LRMDA: variants seen among roughly 807,000 people sequenced by gnomAD.
LRMDA encodes leucine-rich melanocyte differentiation-associated protein.
A neutral mutation model predicts 29.8 loss-of-function variants in LRMDA; 18 were observed. The ratio of observed to expected loss-of-function variants is 0.60; its 90% confidence interval spans 0.42 to 0.90. LRMDA has a LOEUF of 0.90. LRMDA is among the 40% of genes least tolerant of loss of function. The probability of loss-of-function intolerance (pLI) is 0.00; values close to 1 mark genes in which losing one functional copy is unlikely to be tolerated. For missense variants in LRMDA, 273 were observed against 273.9 expected, an observed-to-expected ratio of 1.00 and a Z score of 0.02; for synonymous variants, 125 against 109.4, an observed-to-expected ratio of 1.14 and a Z score of -0.89.
At chr10:76,226,465 C>A in intron 5 of LRMDA, among the ~76,000 whole-genome samples, 1 of 152,108 alleles carries the variant, frequency 6.6e-6, no homozygotes, top group East Asian at 1.9e-4. Flanking sequence ...TGCCTGCAAT[C>A]CCAGCTACTT....
chr10:76,194,378 G>A (rs1286467844), intron 5 of LRMDA, among the ~76,000 whole-genome samples: 1 of 152,080 alleles, frequency 6.6e-6, no homozygotes, highest in Middle Eastern at 3.2e-3. Context: ...TTTTGTCATG[G>A]GGCAGTCAGG....
At chr10:75,453,472 A>C (rs1844481997) in intron 2 of LRMDA, among the ~76,000 whole-genome samples, 1 of 152,238 alleles carries the variant, frequency 6.6e-6, no homozygotes, top group Non-Finnish European at 1.5e-5. Context: ...AAATGAAAGC[A>C]TGGGATCATT....
chr10:75,449,970 C>T (rs1844441262), intron 2 of LRMDA: 1 of 152,114 alleles, frequency 6.6e-6, no homozygotes, highest in African/African-American at 2.4e-5. Flanking sequence ...TGCACACACC[C>T]ACCGTCTGAA....
chr10:75,717,980 A>T (rs1421551719), intron 2 of LRMDA, among the ~76,000 whole-genome samples: 2 of 152,200 alleles, frequency 1.3e-5, no homozygotes, highest in Non-Finnish European at 2.9e-5. Context: ...GTCCCCAGCT[A>T]GTGAGGAAGG....
At chr10:75,942,179 G>A (rs1356449313) in intron 2 of LRMDA, among the ~76,000 whole-genome samples, 1 of 152,050 alleles carries the variant, frequency 6.6e-6, no homozygotes, top group Non-Finnish European at 1.5e-5. Context: ...CAAGAAGAGA[G>A]CCCATAAACT....
At chr10:76,547,838 C>T (rs1843441143) in intron 6 of LRMDA, among the ~76,000 whole-genome samples, 1 of 152,100 alleles carries the variant, frequency 6.6e-6, no homozygotes, top group African/African-American at 2.4e-5. Context: ...CATCCCATCT[C>T]GGCATGCACT....
At chr10:75,751,766 C>T (rs575698883) in intron 2 of LRMDA, among the ~76,000 whole-genome samples, 11 of 151,890 alleles carry the variant, frequency 7.2e-5, no homozygotes, top group Admixed American at 2.0e-4. Context: ...ATTAAATACA[C>T]GGCTCCTCTC....
chr10:75,894,212 T>C (rs984213349), intron 2 of LRMDA, among the ~76,000 whole-genome samples: 2 of 150,620 alleles, frequency 1.3e-5, no homozygotes, highest in Non-Finnish European at 3.0e-5. Context: ...CCAAATTCCA[T>C]TGTATCATTC....
chr10:76,237,700 G>C lies in LRMDA; in HGVS notation c.517-86701G>C, dbSNP rs545299805. Among the ~76,000 whole-genome samples the C allele has an allele frequency of 5.5e-4, 82 of 149,542 alleles. 2 individuals are homozygous for C. In the East Asian group the frequency reaches 0.016, roughly 29 times the overall value. Reference sequence around the variant, plus strand: ...CAGTGGCAGGGCTGGGAGGATCCCAGAAAGCGCAGCCATAGGGACTCCAGG... The same window carrying C: ...CAGTGGCAGGGCTGGGAGGATCCCACAAAGCGCAGCCATAGGGACTCCAGG... On this transcript the variant is annotated intron_variant, in intron 5 of 6. Coordinates refer to ENST00000611255, the MANE Select transcript of LRMDA (RefSeq NM_001305581.2).
chr10:75,842,552 C>A (rs1008800412), intron 2 of LRMDA, among the ~76,000 whole-genome samples: 2 of 152,146 alleles, frequency 1.3e-5, no homozygotes, highest in African/African-American at 4.8e-5. Flanking sequence ...TAGAGGGTTA[C>A]AAACAGCATC....
chr10:75,716,262 G>C (rs1247615869), intron 2 of LRMDA, among the ~76,000 whole-genome samples: 1 of 152,150 alleles, frequency 6.6e-6, no homozygotes, highest in Non-Finnish European at 1.5e-5. Flanking sequence ...GCAATTCTTT[G>C]TCCCCTGAGG....
chr10:76,368,227 A>T (rs1306934254), intron 6 of LRMDA, among the ~76,000 whole-genome samples: 1 of 152,126 alleles, frequency 6.6e-6, no homozygotes, highest in Non-Finnish European at 1.5e-5. Flanking sequence ...TTTTTGATGT[A>T]GGCGTTTAGG....
At chr10:75,449,983 G>T (rs980880927) in intron 2 of LRMDA, 1 of 152,098 alleles carries the variant, frequency 6.6e-6, no homozygotes, top group Non-Finnish European at 1.5e-5. Context: ...CGTCTGAAAG[G>T]CCTCTTTCCT....
At chr10:75,884,263 G>GTA (rs1193234736) in intron 2 of LRMDA, among the ~76,000 whole-genome samples, 1 of 149,978 alleles carries the variant, frequency 6.7e-6, no homozygotes, top group African/African-American at 2.5e-5. Context: ...GTGTGTGTGT[G>GTA]TGTGTGTGTG....
intron 6 of LRMDA, among the ~76,000 whole-genome samples, chr10:76,423,988 C>T (rs1376076996): frequency 6.6e-6 from 1 of 152,096 alleles, no homozygotes; most frequent in African/African-American, 2.4e-5. Context: ...CAGAGGGGCT[C>T]CTTTGTGATC....
chr10:75,682,758 T>A (rs555913661), intron 2 of LRMDA, among the ~76,000 whole-genome samples: 2 of 152,238 alleles, frequency 1.3e-5, no homozygotes, highest in East Asian at 3.9e-4. Flanking sequence ...TTTTATTTTC[T>A]TCCTCACAAG....
chr10:75,435,547 G>A (rs1041015642), intron 1 of LRMDA, among the ~76,000 whole-genome samples: 1 of 152,156 alleles, frequency 6.6e-6, no homozygotes, highest in Non-Finnish European at 1.5e-5. Context: ...ATTACTTATC[G>A]AGTTGGTTCT....
At chr10:75,444,654 G>A (rs1244981800) in intron 2 of LRMDA, among the ~76,000 whole-genome samples, 1 of 152,136 alleles carries the variant, frequency 6.6e-6, no homozygotes, top group Non-Finnish European at 1.5e-5. Flanking sequence ...TGAGTCCAAT[G>A]TCTAGTGTGA....
intron 6 of LRMDA, among the ~76,000 whole-genome samples, chr10:76,477,346 G>A (rs931714788): frequency 1.3e-5 from 2 of 152,042 alleles, no homozygotes; most frequent in African/African-American, 4.8e-5. Flanking sequence ...GCTTACAAGG[G>A]ATGTGAAGGA....
Sources: gnomAD v4.1 joint callset for allele counts (sites outside exome capture counted in the v4.1 genomes callset) on GRCh38, gnomAD v4.1.1 for gene constraint, MANE v1.5 for transcripts, NCBI Gene and HGNC (gene_info 2026-07-23, HGNC 2026-07-21) for gene names.